Variants in SGIP1 observed in about 807,000 individuals in gnomAD.
The protein encoded by SGIP1 is SH3-containing GRB2-like protein 3-interacting protein 1.
Under a neutral mutation model 107.5 loss-of-function variants are expected in SGIP1, and 38 were observed. The observed-to-expected ratio is 0.35, with a 90% CI of 0.27 to 0.46. The LOEUF is 0.46. Among genes scored for constraint, SGIP1 ranks in the 20% least tolerant of loss-of-function variants. SGIP1 has a pLI of 1.00. For missense variants in SGIP1, 929 were observed against 1,019.5 expected, an observed-to-expected ratio of 0.91 and a Z score of 1.21; for synonymous variants, 365 against 366.1, an observed-to-expected ratio of 1.00 and a Z score of 0.03.
chr1:66,614,334 C>T (rs1412566744), intron 1 of SGIP1, among the ~76,000 whole-genome samples: 1 of 152,158 alleles, frequency 6.6e-6, no homozygotes, highest in African/African-American at 2.4e-5. Context: ...AGTGATCCAA[C>T]AGGATGAATT....
chr1:66,665,617 A>G lies in SGIP1; in HGVS notation c.472-1913A>G, dbSNP rs1039794609. ...TGTAAAAACATTCCTATTTCTCCAC[A>G]TCCTCTCCAGCACCTGTTGTTTCCT... is the stretch of plus-strand genomic sequence containing the variant. On this transcript the variant is annotated intron_variant, in intron 8 of 24. Transcript: ENST00000371037. Among the ~76,000 whole-genome samples, 4 of 152,134 alleles carry G rather than the reference A, an allele frequency of 2.6e-5. No individual in the cohort carries two copies. In the South Asian group the frequency reaches 8.3e-4, roughly 31 times the overall value.
intron 1 of SGIP1, among the ~76,000 whole-genome samples, chr1:66,558,516 C>T (rs1460832070): frequency 2.0e-5 from 3 of 151,668 alleles, no homozygotes; most frequent in African/African-American, 7.3e-5. Flanking sequence ...TACTAAACAA[C>T]CCTGAAAGAT....
At chr1:66,647,716 G>T (rs979642137) in intron 7 of SGIP1, among the ~76,000 whole-genome samples, 2 of 152,126 alleles carry the variant, frequency 1.3e-5, no homozygotes, top group African/African-American at 4.8e-5. Context: ...ATACCGTGCT[G>T]CTTGTTAGCT....
Position 66,679,767 on chromosome 1 carries a change from T to A in SGIP1, c.814+15T>A. The A allele has an allele frequency of 1.3e-6, 2 of 1,587,342 alleles. No homozygotes were observed. Reference sequence around the variant, plus strand: ...AATTGGACCAGGTACGCTTTTGTTTTTTCAGTTCTGGGATGATGTGTCAAA... The same window carrying A: ...AATTGGACCAGGTACGCTTTTGTTTATTCAGTTCTGGGATGATGTGTCAAA... On this transcript the variant is annotated intron_variant, in intron 14 of 24. Coordinates refer to ENST00000371037, the MANE Select transcript of SGIP1 (RefSeq NM_032291.4).
intron 1 of SGIP1, among the ~76,000 whole-genome samples, chr1:66,564,280 G>T (rs2059358512): frequency 6.6e-6 from 1 of 151,822 alleles, no homozygotes; most frequent in Admixed American, 6.6e-5. Flanking sequence ...CTTGAACTCA[G>T]GTCTCCTCAG....
At chr1:66,633,166 C>A in intron 3 of SGIP1, 72 bp downstream of exon 3, 1 of 1,021,126 alleles carries the variant, frequency 9.8e-7, no homozygotes, top group Non-Finnish European at 1.5e-6. Flanking sequence ...TCTCAAAGCC[C>A]TTTTTTTTTC....
rs752415997 is a variant in SGIP1, at chr1:66,733,697, T to G, written c.1899-51T>G. 14 of 1,589,290 alleles carry G rather than the reference T, an allele frequency of 8.8e-6. No individual in the cohort carries two copies. In the South Asian group the frequency reaches 1.5e-4, roughly 17 times the overall value. On this transcript the variant is annotated intron_variant, in intron 20 of 24. Transcript: ENST00000371037. The stretch of plus-strand genomic sequence containing the variant: ...TTTGCTAAGATGCTTCGTGTAGGGT[T>G]TATATTTGTTTTAAGATGCTACTCA...
At chr1:66,580,254 A>G (rs1020058347) in intron 1 of SGIP1, among the ~76,000 whole-genome samples, 9 of 152,128 alleles carry the variant, frequency 5.9e-5, no homozygotes, top group Admixed American at 5.9e-4. Flanking sequence ...AGGCCCCACT[A>G]CAACTCCAGT....
In SGIP1 at chr1:66,689,441, A is replaced by G. The variant is rs369185845; in HGVS notation, c.1443+166A>G. Among the ~76,000 whole-genome samples, 89 of 152,246 alleles carry G rather than the reference A, an allele frequency of 5.8e-4. 2 individuals are homozygous for G. The highest frequency in any genetic ancestry group is 2.1e-3 in the African/African-American group (88 of 41,538). On this transcript the variant is annotated intron_variant, in intron 16 of 24. Coordinates refer to ENST00000371037, the MANE Select transcript of SGIP1 (RefSeq NM_032291.4). ...TGAGTGTACATTTCAACCCTCCTCA[A>G]ATTTCTACCATCTTTCAAGCCAAGG...
intron 3 of SGIP1, chr1:66,633,939 G>A (rs2075291681): frequency 1.5e-6 from 1 of 660,118 alleles, no homozygotes; most frequent in African/African-American, 1.8e-5. Flanking sequence ...GCTATAGCAG[G>A]AATTTTCCTT....
At chr1:66,681,751 A>G in intron 14 of SGIP1, 118 bp from the exon 15 acceptor site, 1 of 968,734 alleles carries the variant, frequency 1.0e-6, no homozygotes, top group East Asian at 2.5e-5. Context: ...TACATCATGA[A>G]GTATGCCCAC....
intron 1 of SGIP1, among the ~76,000 whole-genome samples, chr1:66,614,804 G>A (rs887653245): frequency 8.2e-5 from 11 of 134,820 alleles, no homozygotes; most frequent in Non-Finnish European, 1.6e-4. Flanking sequence ...CTATGTTCCA[G>A]CTGTCTTTTT....
At chr1:66,601,377 GCAAA>G (rs754446559) in intron 1 of SGIP1, among the ~76,000 whole-genome samples, 2 of 151,918 alleles carry the variant, frequency 1.3e-5, no homozygotes, top group Non-Finnish European at 2.9e-5. Context: ...ACACAAACAA[GCAAA>G]CAAACAAACA....
At position 66,660,243 on chromosome 1, in the gene SGIP1, G is replaced by GGGAA. The variant is rs1420647767; in HGVS notation, c.460-267_460-266insAGGA. 2.9e-3 allele frequency: 1,174 copies of GGGAA among 403,548 alleles called. 103 individuals carry two copies. The highest frequency in any genetic ancestry group is 0.024 in the African/African-American group (1,087 of 44,496). 25.0% of individuals were successfully genotyped at this position (403,548 alleles called of 1,614,324 possible). ...AAAGAAAGAAAGAGGGAGGGAGGGAGGGAGGGAGGAAGGAAGGGAGGAAAG... is the reference window on the plus strand; with the variant it reads ...AAAGAAAGAAAGAGGGAGGGAGGGAGGGAAGGAGGGAGGAAGGAAGGGAGGAAAG... On this transcript the variant is annotated intron_variant, in intron 7 of 24. Coordinates refer to ENST00000371037, the MANE Select transcript of SGIP1 (RefSeq NM_032291.4).
intron 7 of SGIP1, among the ~76,000 whole-genome samples, chr1:66,658,114 T>A (rs1252968462): frequency 6.6e-6 from 1 of 152,226 alleles, no homozygotes; most frequent in Non-Finnish European, 1.5e-5. Context: ...TTATCATTTG[T>A]GTGTTCATGT....
chr1:66,728,951 T>C (rs765552081), intron 19 of SGIP1, among the ~76,000 whole-genome samples: 26 of 151,954 alleles, frequency 1.7e-4, no homozygotes, highest in Non-Finnish European at 2.8e-4. Flanking sequence ...TAGGGCCTGC[T>C]TGAGGGAGGA....
chr1:66,549,190 CCTTCCTT>C (rs2057016211), intron 1 of SGIP1, among the ~76,000 whole-genome samples: 1 of 143,592 alleles, frequency 7.0e-6, no homozygotes, highest in Non-Finnish European at 1.5e-5. Flanking sequence ...TTCCTTCCTT[CCTTCCTT>C]CCCTTCCTCC....
At chr1:66,595,454 C>A (rs1430941595) in intron 1 of SGIP1, among the ~76,000 whole-genome samples, 1 of 152,202 alleles carries the variant, frequency 6.6e-6, no homozygotes, top group Non-Finnish European at 1.5e-5. Flanking sequence ...TAGCTGAAAA[C>A]ATATTATTTC....
intron 2 of SGIP1, 168 bp downstream of exon 2, chr1:66,626,078 G>T: frequency 5.8e-6 from 2 of 346,882 alleles, no homozygotes; most frequent in East Asian, 4.5e-5. Context: ...TTAGATTTAT[G>T]CTAAAAAGGT....
Sources: allele counts gnomAD v4.1 joint callset (sites outside exome capture counted in the v4.1 genomes callset), GRCh38; gene constraint gnomAD v4.1.1; transcripts MANE v1.5; gene names NCBI Gene and HGNC (gene_info 2026-07-23, HGNC 2026-07-21).